Variants in SEPTIN2 observed in about 807,000 individuals in gnomAD.
SEPTIN2 encodes septin-2.
In SEPTIN2, 34 loss-of-function variants were observed where a neutral mutation model predicts 46.5. That is an observed-to-expected ratio of 0.73 (90% CI 0.56 to 0.97). The LOEUF (loss-of-function observed/expected upper bound fraction) is 0.97. Among genes scored for constraint, SEPTIN2 ranks in the 50% least tolerant of loss-of-function variants. SEPTIN2 has a pLI of 0.00. For missense variants in SEPTIN2, 347 were observed against 448.4 expected (o/e 0.77, Z 2.04); for synonymous variants, 175 against 153.4 (o/e 1.14, Z -1.04).
intron 12 of SEPTIN2, among the ~76,000 whole-genome samples, chr2:241,350,646 TATGTG>T (rs911448774): frequency 1.2e-4 from 19 of 152,162 alleles, no homozygotes; most frequent in Non-Finnish European, 1.5e-4. Context: ...GAAGAAGAAT[TATGTG>T]AGGTAGATAA....
chr2:241,324,364 C>A (rs537795539), intron 2 of SEPTIN2, 123 bp downstream of exon 2: 9 of 755,486 alleles, frequency 1.2e-5, no homozygotes, highest in Admixed American at 5.1e-5. Flanking sequence ...GATTCATTAA[C>A]ACAAAGAGTT....
At chr2:241,321,986 T>C (rs2077197021) in intron 1 of SEPTIN2, among the ~76,000 whole-genome samples, 2 of 152,180 alleles carry the variant, frequency 1.3e-5, no homozygotes, top group East Asian at 3.8e-4. Flanking sequence ...TAGGTTTTGC[T>C]GAAATTAAAG....
At position 241,350,071 on chromosome 2, in the gene SEPTIN2, A is replaced by C. The variant is rs1164811242; in HGVS notation, c.985-2A>C. ...ACCTATAATGTGTGTGTGTGTTCACAGCTCCGCCGCATGCAAGAGATGATT... is the reference window on the plus strand; with the variant it reads ...ACCTATAATGTGTGTGTGTGTTCACCGCTCCGCCGCATGCAAGAGATGATT... On this transcript the variant is annotated splice_acceptor_variant, in intron 11 of 12. Coordinates refer to ENST00000391971, the MANE Select transcript of SEPTIN2 (RefSeq NM_004404.5). LOFTEE classifies it high-confidence loss of function. 1 of 1,613,740 alleles carries C rather than the reference A, an allele frequency of 6.2e-7. No individual in the cohort carries two copies. The highest frequency in any genetic ancestry group is 1.7e-5 in the Admixed American group (1 of 60,016).
rs374586127 is a variant in SEPTIN2, at chr2:241,337,837, G to C, written c.594+47G>C. 8 of 1,317,744 alleles carry C rather than the reference G, an allele frequency of 6.1e-6. No individual in the cohort carries two copies. In the African/African-American group the frequency reaches 1.2e-4, roughly 19 times the overall value. The allele number at this position is 1,317,744 out of a possible 1,614,324, so 81.6% of individuals were successfully genotyped here. ...CCCTCCCTCTGGGTGCGACTCGGGG[G>C]CATGGGGATGAAGAAAGGAGTGTGT... On this transcript the variant is annotated intron_variant, in intron 7 of 12. Transcript: ENST00000391971.
chr2:241,337,258 T>G (rs2080181631), intron 5 of SEPTIN2, 124 bp from the exon 6 acceptor site: 4 of 942,374 alleles, frequency 4.2e-6, no homozygotes, highest in East Asian at 5.2e-5. Context: ...AGTCTTCTGT[T>G]CTCATCTTGA....
chr2:241,331,460 G>A (rs748083620), intron 3 of SEPTIN2, among the ~76,000 whole-genome samples: 18 of 152,198 alleles, frequency 1.2e-4, no homozygotes, highest in Non-Finnish European at 2.1e-4. Context: ...GCAATGGTAT[G>A]ATTTTGGCAA....
rs1231821743 is a variant in SEPTIN2 at position 241,342,979 on chromosome 2, G to A, written c.595-13G>A. On this transcript the variant is annotated splice_polypyrimidine_tract_variant and intron_variant, in intron 7 of 12. Coordinates refer to ENST00000391971, the MANE Select transcript of SEPTIN2 (RefSeq NM_004404.5). Reference sequence around the variant, plus strand: ...GTTTGCTAAAATTGATCCTGGTTTTGTCATTCTCTCAGATTCTGGATGAAA... The same window carrying A: ...GTTTGCTAAAATTGATCCTGGTTTTATCATTCTCTCAGATTCTGGATGAAA... The A allele has an allele frequency of 6.7e-7, 1 of 1,496,034 alleles. No individual in the cohort carries two copies. The highest frequency in any genetic ancestry group is 1.7e-5 in the Admixed American group (1 of 57,682). The allele number at this position is 1,496,034 out of a possible 1,614,324, so 92.7% of individuals were successfully genotyped here.
chr2:241,346,284 C>CAGGGTGACACAAT, intron 10 of SEPTIN2, 35 bp downstream of exon 10: 1 of 1,527,778 alleles, frequency 6.5e-7, no homozygotes, highest in Non-Finnish European at 9.1e-7. Flanking sequence ...TGTATTGTGT[C>CAGGGTGACACAAT]ACCCTGAGCC....
intron 1 of SEPTIN2, chr2:241,316,560 G>C (rs1337677276): frequency 1.3e-6 from 2 of 1,513,672 alleles, no homozygotes; most frequent in African/African-American, 2.8e-5. Context: ...AGCGAGGCAC[G>C]GACAGGCAGC....
chr2:241,324,191 T>G (rs973916850), intron 1 of SEPTIN2, 25 bp from the exon 2 acceptor site: 2 of 1,607,418 alleles, frequency 1.2e-6, no homozygotes, highest in African/African-American at 2.7e-5. Context: ...CGTTTATGTG[T>G]GTCTGTGTGT....
chr2:241,323,043 A>AT (rs1311813599), intron 1 of SEPTIN2, among the ~76,000 whole-genome samples: 1 of 152,010 alleles, frequency 6.6e-6, no homozygotes, highest in Non-Finnish European at 1.5e-5. Context: ...TAATTTTTTA[A>AT]TTTTTTGTAG....
At chr2:241,334,487 C>A (rs1178644346) in intron 3 of SEPTIN2, among the ~76,000 whole-genome samples, 1 of 152,172 alleles carries the variant, frequency 6.6e-6, no homozygotes, top group East Asian at 1.9e-4. Flanking sequence ...ATATGTGTCA[C>A]CTGAATTAGT....
At chr2:241,316,370 T>C in intron 1 of SEPTIN2, 1 of 844,614 alleles carries the variant, frequency 1.2e-6, no homozygotes, top group Non-Finnish European at 1.7e-6. Flanking sequence ...GACAAACACT[T>C]AGAGCTTGTG....
In SEPTIN2 at chr2:241,324,210, T is replaced by TA. The variant is rs1333594970; in HGVS notation, c.-17-4dup. 2 of 1,610,068 alleles carry TA rather than the reference T, an allele frequency of 1.2e-6. No homozygotes were observed. The highest frequency in any genetic ancestry group is 1.7e-6 in the Non-Finnish European group (2 of 1,178,494). On this transcript the variant is annotated splice_polypyrimidine_tract_variant and splice_region_variant and intron_variant, in intron 1 of 12. Transcript: ENST00000391971. ...TATGTGTGTCTGTGTGTTTTTTTTT[T>TA]AACAGACGAAGCTTCACAAAAGATG...
intron 3 of SEPTIN2, among the ~76,000 whole-genome samples, chr2:241,328,077 C>G (rs2078297920): frequency 1.3e-5 from 2 of 152,034 alleles, no homozygotes; most frequent in African/African-American, 2.4e-5. Context: ...GTAGCCAGAA[C>G]AAAGAAATTT....
chr2:241,325,196 A>G (rs1258792303), intron 2 of SEPTIN2: 1 of 152,186 alleles, frequency 6.6e-6, no homozygotes, highest in Non-Finnish European at 1.5e-5. Context: ...TAAAGGAAAT[A>G]CTATTTTGTA....
At position 241,334,126 on chromosome 2, in the gene SEPTIN2, G is replaced by C. The variant is rs570338425; in HGVS notation, c.131-1000G>C. Among the ~76,000 whole-genome samples the C allele has an allele frequency of 2.0e-5, 3 of 152,254 alleles. No individual in the cohort carries two copies. The South Asian group carries it at 6.2e-4, about 32-fold the overall frequency. ...TAGCCTCAAGTGATCCTCCAGCCTT[G>C]GTCTGCTAAAGTGCTGGGATTATAG... On this transcript the variant is annotated intron_variant, in intron 3 of 12. Transcript: ENST00000391971.
chr2:241,325,602 G>A (rs1176608299), intron 2 of SEPTIN2, among the ~76,000 whole-genome samples: 2 of 152,096 alleles, frequency 1.3e-5, no homozygotes, highest in African/African-American at 4.8e-5. Flanking sequence ...TTCATTCAAA[G>A]TACTGTCAGC....
At chr2:241,320,107 A>G (rs1247874640) in intron 1 of SEPTIN2, 1 of 401,452 alleles carries the variant, frequency 2.5e-6, no homozygotes, top group Non-Finnish European at 5.1e-6. Flanking sequence ...TATGGCGTTC[A>G]TTCATTCCTT....
Sources: gnomAD v4.1 joint callset for allele counts (sites outside exome capture counted in the v4.1 genomes callset) on GRCh38, gnomAD v4.1.1 for gene constraint, MANE v1.5 for transcripts, NCBI Gene and HGNC (gene_info 2026-07-23, HGNC 2026-07-21) for gene names.